PTPRR: variants seen among roughly 807,000 people sequenced by gnomAD.
PTPRR encodes the protein receptor-type tyrosine-protein phosphatase R.
A neutral mutation model predicts 77.2 loss-of-function variants in PTPRR; 38 were observed. The ratio of observed to expected loss-of-function variants is 0.49; its 90% CI spans 0.38 to 0.65. The LOEUF is 0.65. PTPRR is among the 30% of genes least tolerant of loss of function. The pLI, the probability that PTPRR is intolerant of heterozygous loss-of-function variation, is 0.00. For synonymous variants in PTPRR, 299 were observed against 283.1 expected (o/e 1.06, Z -0.57); for missense variants, 744 against 799.2 (o/e 0.93, Z 0.83).
chr12:70,822,353 C>A (rs147890163), intron 2 of PTPRR, among the ~76,000 whole-genome samples: 2 of 152,258 alleles, frequency 1.3e-5, no homozygotes, highest in African/African-American at 4.8e-5. Context: ...CGTTTTTCTG[C>A]ATTTGTAGAA....
chr12:70,763,279 C>A (rs1890734877), intron 3 of PTPRR, among the ~76,000 whole-genome samples: 1 of 151,988 alleles, frequency 6.6e-6, no homozygotes, highest in Admixed American at 6.6e-5. Flanking sequence ...CAGATGCCTG[C>A]CACCATGCCC....
At chr12:70,674,612 G>T (rs1219852795) in intron 10 of PTPRR, among the ~76,000 whole-genome samples, 1 of 152,050 alleles carries the variant, frequency 6.6e-6, no homozygotes, top group Non-Finnish European at 1.5e-5. Flanking sequence ...TATATGTACA[G>T]TTATTCCTGG....
At chr12:70,761,936 T>A (rs556707249) in intron 3 of PTPRR, among the ~76,000 whole-genome samples, 1 of 152,346 alleles carries the variant, frequency 6.6e-6, no homozygotes, top group African/African-American at 2.4e-5. Flanking sequence ...ATTGTTCAGA[T>A]GTTCCCTGAG....
chr12:70,640,472 A>G (rs1885958738), intron 13 of PTPRR, among the ~76,000 whole-genome samples: 1 of 152,160 alleles, frequency 6.6e-6, no homozygotes. Flanking sequence ...GTCCAGTCCT[A>G]TAATTATGAT....
intron 2 of PTPRR, among the ~76,000 whole-genome samples, chr12:70,882,044 G>A (rs1893158195): frequency 6.6e-6 from 1 of 152,088 alleles, no homozygotes; most frequent in African/African-American, 2.4e-5. Flanking sequence ...GTTTCATACC[G>A]ATAACTCTAT....
rs1891393037 is a variant in PTPRR, at chr12:70,789,880, C to T, written c.358-25102G>A. Reference sequence around the variant, plus strand: ...TCATAATCTTTAATCCAGTAATTCCCCATCTGCAAATTTATCTTAAGAAAA... The same window carrying T: ...TCATAATCTTTAATCCAGTAATTCCTCATCTGCAAATTTATCTTAAGAAAA... On this transcript the variant is annotated intron_variant, in intron 2 of 13. Coordinates refer to ENST00000283228, the MANE Select transcript of PTPRR (RefSeq NM_002849.4). 5.9e-5 allele frequency among the ~76,000 whole-genome samples: 9 copies of T among 151,932 alleles called. No individual in the cohort carries two copies. In the South Asian group the frequency reaches 1.9e-3, roughly 32 times the overall value.
chr12:70,757,083 C>T (rs781536808), intron 4 of PTPRR, among the ~76,000 whole-genome samples: 2 of 152,146 alleles, frequency 1.3e-5, no homozygotes, highest in Non-Finnish European at 2.9e-5. Flanking sequence ...GATTGTATGT[C>T]TCCTCAGCAC....
chr12:70,810,380 C>T (rs1040027), intron 2 of PTPRR, among the ~76,000 whole-genome samples: 122,691 of 143,532 alleles, frequency 0.85, 51,319 homozygotes, highest in South Asian at 0.95. Context: ...ATTAAAAACA[C>T]TTATTCTTTA....
intron 2 of PTPRR, among the ~76,000 whole-genome samples, chr12:70,889,307 G>T (rs1435162081): frequency 6.6e-6 from 1 of 152,124 alleles, no homozygotes; most frequent in African/African-American, 2.4e-5. Context: ...TTTCTTTACA[G>T]TGGCAAAGCA....
At chr12:70,655,463 A>G (rs911982224) in intron 13 of PTPRR, among the ~76,000 whole-genome samples, 1 of 152,254 alleles carries the variant, frequency 6.6e-6, no homozygotes, top group Admixed American at 6.5e-5. Context: ...TAGCAGCAGT[A>G]TTCACAATAG....
intron 10 of PTPRR, chr12:70,672,435 C>CG: frequency 9.1e-7 from 1 of 1,103,772 alleles, no homozygotes; most frequent in Non-Finnish European, 1.4e-6. Flanking sequence ...GCAAGCACAT[C>CG]AAGGCCACAG....
chr12:70,644,893 A>G (rs1036154464), intron 13 of PTPRR, among the ~76,000 whole-genome samples: 4 of 152,240 alleles, frequency 2.6e-5, no homozygotes, highest in Non-Finnish European at 5.9e-5. Context: ...TGACAGATTC[A>G]GGTTTGAATC....
intron 6 of PTPRR, among the ~76,000 whole-genome samples, chr12:70,740,299 AG>A (rs1890004964): frequency 6.6e-6 from 1 of 152,146 alleles, no homozygotes; most frequent in Non-Finnish European, 1.5e-5. Context: ...AGAAAGTTGG[AG>A]GAGCAAGAAT....
In PTPRR at chr12:70,745,870, T is replaced by C. The variant is rs1426354917; in HGVS notation, c.955A>G (p.Thr319Ala). The stretch of plus-strand genomic sequence containing the variant: ...TTGAAAGGAGAAGGGCAAACAGAGG[T>C]AGCGGTGGTAGCTTTGATCTCAGGA... Reference protein sequence around the residue: ...GAPEIKATTATSVCPSPFKMK... With the variant: ...GAPEIKATTAASVCPSPFKMK... The change falls in exon 6 of 14, where the codon ACC (threonine) becomes GCC (alanine). Residue 319 changes from threonine (T) to alanine (A), a missense_variant. Coordinates refer to ENST00000283228, the MANE Select transcript of PTPRR (RefSeq NM_002849.4). 2 of 1,614,074 alleles carry C rather than the reference T, an allele frequency of 1.2e-6. No individual in the cohort carries two copies. The highest frequency in any genetic ancestry group is 1.7e-6 in the Non-Finnish European group (2 of 1,179,998).
intron 2 of PTPRR, among the ~76,000 whole-genome samples, chr12:70,884,766 G>A (rs1296109212): frequency 8.5e-6 from 1 of 118,062 alleles, no homozygotes; most frequent in South Asian, 2.5e-4. Context: ...CAGCTACTCC[G>A]GAGGCTGAGG....
intron 6 of PTPRR, among the ~76,000 whole-genome samples, chr12:70,724,471 G>GT (rs1565667149): frequency 6.6e-6 from 1 of 152,270 alleles, no homozygotes; most frequent in East Asian, 1.9e-4. Flanking sequence ...GCTTGATAAC[G>GT]TAATAAATGC....
rs1886832090 is a variant in PTPRR at position 70,662,506 on chromosome 12, G to A, written c.1597C>T (p.Leu533Phe). ...NECDNYTIRN[L>F]VLKQGSHTQH... ...CTACATAATCTTACCTTTAAGACAAGGTTTCGAATGGTGTAGTTATCACAT... is the reference window on the plus strand; with the variant it reads ...CTACATAATCTTACCTTTAAGACAAAGTTTCGAATGGTGTAGTTATCACAT... Residue 533 changes from leucine to phenylalanine, a missense_variant, in exon 11 of 14, where the codon CTT becomes TTT. Leu to Phe is a conservative substitution (Grantham distance 22, BLOSUM62 0). Around this residue, in one of 3 missense-constraint regions of PTPRR, gnomAD observed 170 missense variants for 209.8 expected, o/e 0.81. Transcript: ENST00000283228. The A allele has an allele frequency of 1.9e-6, 3 of 1,591,552 alleles. No homozygotes were observed. In the South Asian group the frequency reaches 3.3e-5, roughly 18 times the overall value.
chr12:70,828,889 C>T (rs371879088), intron 2 of PTPRR, among the ~76,000 whole-genome samples: 1 of 152,202 alleles, frequency 6.6e-6, no homozygotes, highest in African/African-American at 2.4e-5. Context: ...TCTTCTAATT[C>T]ATGATATTTA....
intron 2 of PTPRR, among the ~76,000 whole-genome samples, chr12:70,871,909 G>A (rs936379331): frequency 6.6e-6 from 1 of 152,140 alleles, no homozygotes; most frequent in African/African-American, 2.4e-5. Flanking sequence ...TTCCCATAAA[G>A]ATTATAATAA....
Sources: gnomAD v4.1 joint callset for allele counts (sites outside exome capture counted in the v4.1 genomes callset) on GRCh38, gnomAD v4.1.1 for gene constraint, gnomAD v4.1.1 regional missense constraint, MANE v1.5 for transcripts, NCBI Gene and HGNC (gene_info 2026-07-23, HGNC 2026-07-21) for gene names.